NREP: variants seen among roughly 807,000 people sequenced by gnomAD.
NREP encodes neuronal regeneration-related protein.
A neutral mutation model predicts 8.6 loss-of-function variants in NREP; 5 were observed. The observed-to-expected ratio is 0.58, with a 90% confidence interval of 0.30 to 1.22. The LOEUF (loss-of-function observed/expected upper bound fraction) is 1.22. Ranked by LOEUF, NREP falls within the 50% of genes most tolerant of loss-of-function variation. NREP has a pLI of 0.07. For missense variants in NREP, 86 were observed against 82.5 expected, an observed-to-expected ratio of 1.04 and a Z score of -0.17; for synonymous variants, 27 against 28.0, an observed-to-expected ratio of 0.96 and a Z score of 0.11.
intron 2 of NREP, among the ~76,000 whole-genome samples, chr5:111,911,974 A>T (rs2112564108): frequency 6.6e-6 from 1 of 152,232 alleles, no homozygotes; most frequent in Admixed American, 6.5e-5. Context: ...GAGGCTAAAT[A>T]ATTTGTCTAA....
intron 2 of NREP, among the ~76,000 whole-genome samples, chr5:111,790,602 G>A (rs141672859): frequency 5.3e-5 from 8 of 151,970 alleles, no homozygotes; most frequent in Non-Finnish European, 1.2e-4. Flanking sequence ...TCAAAAATAA[G>A]CATAATTTTA....
intron 2 of NREP, among the ~76,000 whole-genome samples, chr5:111,907,222 T>G (rs982337843): frequency 3.9e-5 from 6 of 152,130 alleles, no homozygotes; most frequent in Non-Finnish European, 7.4e-5. Context: ...TTTTCTTACA[T>G]AGATTATGTC....
chr5:111,872,236 G>C (rs377519193), intron 2 of NREP, among the ~76,000 whole-genome samples: 2 of 152,034 alleles, frequency 1.3e-5, no homozygotes, highest in Admixed American at 6.6e-5. Flanking sequence ...TCCAGGAAGA[G>C]GTAATGTTTC....
intron 2 of NREP, among the ~76,000 whole-genome samples, chr5:111,883,964 A>T (rs1754164355): frequency 6.6e-6 from 1 of 152,150 alleles, no homozygotes; most frequent in African/African-American, 2.4e-5. Flanking sequence ...GGCAAGAAAT[A>T]ACTAATATCA....
intron 2 of NREP, among the ~76,000 whole-genome samples, chr5:111,798,716 G>T (rs1751928992): frequency 1.3e-5 from 2 of 150,036 alleles, no homozygotes; most frequent in Non-Finnish European, 3.0e-5. Context: ...TCCTTTTTAT[G>T]GCTGAGTAGT....
At chr5:111,902,092 A>G (rs1754660237) in intron 2 of NREP, among the ~76,000 whole-genome samples, 1 of 152,170 alleles carries the variant, frequency 6.6e-6, no homozygotes, top group Non-Finnish European at 1.5e-5. Flanking sequence ...GTACTGGCAT[A>G]AAAACAGTCA....
chr5:111,734,953 A>G (rs1748966792), intron 3 of NREP: 1 of 419,694 alleles, frequency 2.4e-6, no homozygotes, highest in Non-Finnish European at 4.2e-6. Flanking sequence ...TGTCAGAACA[A>G]TGAAACCACG....
chr5:111,929,811 G>A (rs1411986946), intron 2 of NREP, among the ~76,000 whole-genome samples: 1 of 152,114 alleles, frequency 6.6e-6, no homozygotes, highest in African/African-American at 2.4e-5. Context: ...TAGACTAAAA[G>A]TTAAATAAGT....
At chr5:111,901,827 C>T (rs1024030597) in intron 2 of NREP, among the ~76,000 whole-genome samples, 9 of 152,030 alleles carry the variant, frequency 5.9e-5, no homozygotes, top group African/African-American at 2.2e-4. Flanking sequence ...AAAGATATCC[C>T]ATGATCCTGG....
At chr5:111,948,616 T>G (rs1455683812) in intron 2 of NREP, among the ~76,000 whole-genome samples, 1 of 152,096 alleles carries the variant, frequency 6.6e-6, no homozygotes, top group Non-Finnish European at 1.5e-5. Context: ...AGTGAGTTGG[T>G]TGTCCAAGAC....
In NREP at chr5:111,818,625, G is replaced by A. The variant is rs191908686; in HGVS notation, c.136-83118C>T. Among the ~76,000 whole-genome samples, 752 of 152,320 alleles carry A rather than the reference G, an allele frequency of 4.9e-3. 2 individuals carry two copies. The highest frequency in any genetic ancestry group is 8.4e-3 in the Admixed American group (129 of 15,298). ...TCTGAAGAAGAGATATTGGGATTAA[G>A]TTAATGATTTCTCTGAAGTATTTGA... On this transcript the variant is annotated intron_variant, in intron 2 of 3. Coordinates refer to the NREP transcript ENST00000395634.
intron 2 of NREP, among the ~76,000 whole-genome samples, chr5:111,921,033 A>G (rs1755224358): frequency 6.6e-6 from 1 of 152,114 alleles, no homozygotes; most frequent in Admixed American, 6.6e-5. Context: ...TCTTTGCTGA[A>G]AGAGAAATGA....
intron 2 of NREP, among the ~76,000 whole-genome samples, chr5:111,770,440 C>A (rs1474498913): frequency 6.6e-6 from 1 of 151,752 alleles, no homozygotes; most frequent in African/African-American, 2.4e-5. Context: ...TTTTCCTAAT[C>A]CTTAACCATA....
chr5:111,740,978 C>T (rs1561637549), intron 2 of NREP, among the ~76,000 whole-genome samples: 1 of 152,190 alleles, frequency 6.6e-6, no homozygotes, highest in Non-Finnish European at 1.5e-5. Flanking sequence ...AAATACACCA[C>T]ACACATAAAT....
rs1032271530 is a variant in NREP, at chr5:111,930,203, A to G, written c.135+45071T>C. ...AGCAGAGGGGATGGTAGAAGGGGAG[A>G]GGTGAAACAGAGAGGAGATGAGATA... is the stretch of plus-strand genomic sequence containing the variant. On this transcript the variant is annotated intron_variant, in intron 2 of 3. Coordinates refer to the NREP transcript ENST00000395634. Among the ~76,000 whole-genome samples, 105 of 152,188 alleles carry G rather than the reference A, an allele frequency of 6.9e-4. 1 individual carries two copies. Among genetic ancestry groups the G allele is most frequent in the Non-Finnish European group, 1.3e-3 (90 of 68,014 alleles).
At chr5:111,947,944 G>A (rs1756037880) in intron 2 of NREP, among the ~76,000 whole-genome samples, 1 of 151,942 alleles carries the variant, frequency 6.6e-6, no homozygotes, top group Non-Finnish European at 1.5e-5. Flanking sequence ...AAGTTCACAC[G>A]CTATATTCTA....
intron 2 of NREP, among the ~76,000 whole-genome samples, chr5:111,749,989 TCAAAAGGCAAAGAACCTGAGA>T (rs1298671687): frequency 6.6e-6 from 1 of 152,052 alleles, no homozygotes; most frequent in Non-Finnish European, 1.5e-5. Flanking sequence ...TTAAGCACAA[TCAAAAGGCAAAGAACCTGAGA>T]CAGGTTGGTA....
rs1581022463 is a variant in NREP, at chr5:111,732,327, G to A, written c.82-1281C>T. ...GCAACAGATTATTCAACTTTAAAAAGTCTTACTTACTGTACAGATTTTCCA... is the reference window on the plus strand; with the variant it reads ...GCAACAGATTATTCAACTTTAAAAAATCTTACTTACTGTACAGATTTTCCA... On this transcript the variant is annotated intron_variant, in intron 3 of 3. Transcript: ENST00000257435. The A allele has an allele frequency of 2.0e-5, 3 of 151,876 alleles. No homozygotes were observed. The South Asian group carries it at 6.3e-4, about 32-fold the overall frequency. The allele number at this position is 151,876 out of a possible 1,614,324, so 9.4% of individuals were successfully genotyped here.
At chr5:111,817,391 T>C (rs566809092) in intron 2 of NREP, among the ~76,000 whole-genome samples, 1 of 152,210 alleles carries the variant, frequency 6.6e-6, no homozygotes, top group Non-Finnish European at 1.5e-5. Context: ...TTAATTTTGA[T>C]GCATGCTGTA....
Sources: allele counts gnomAD v4.1 joint callset (sites outside exome capture counted in the v4.1 genomes callset), GRCh38; gene constraint gnomAD v4.1.1; transcripts MANE v1.5; gene names NCBI Gene and HGNC (gene_info 2026-07-23, HGNC 2026-07-21).